CHRDL2: variants seen among roughly 807,000 people sequenced by gnomAD.
CHRDL2 encodes chordin-like protein 2.
CHRDL2 carries 41 observed loss-of-function variants against 54.3 expected under a neutral mutation model. The observed-to-expected ratio is 0.76, with a 90% confidence interval of 0.59 to 0.98. CHRDL2 has a LOEUF of 0.98. CHRDL2 is among the 50% of genes least tolerant of loss of function. The pLI, the probability that CHRDL2 is intolerant of heterozygous loss-of-function variation, is 0.00. For missense variants in CHRDL2, 518 were observed against 562.4 expected, an observed-to-expected ratio of 0.92 and a Z score of 0.80; for synonymous variants, 220 against 224.3, an observed-to-expected ratio of 0.98 and a Z score of 0.17.
At position 74,713,384 on chromosome 11, in the gene CHRDL2, AC is replaced by A. The variant is rs747596819; in HGVS notation, c.289+1del. 4 of 1,612,940 alleles carry A rather than the reference AC, an allele frequency of 2.5e-6. No homozygotes were observed. Among genetic ancestry groups the A allele is most frequent in the Admixed American group, 1.7e-5 (1 of 59,972 alleles). On this transcript the variant is annotated splice_donor_variant, in intron 3 of 10. Coordinates refer to ENST00000376332, the MANE Select transcript of CHRDL2 (RefSeq NM_001278473.3). LOFTEE classifies it high-confidence loss of function. ...ACGATGGGGAGGAGCATGGCTACTT[AC>A]CCACACACTTGGGACAGCATTGCTG... is the stretch of plus-strand genomic sequence containing the variant.
At chr11:74,709,193 G>A (rs2034109298) in intron 4 of CHRDL2, among the ~76,000 whole-genome samples, 1 of 152,184 alleles carries the variant, frequency 6.6e-6, no homozygotes, top group African/African-American at 2.4e-5. Flanking sequence ...CAAGTACCCA[G>A]GGAGAATGAA....
chr11:74,729,600 C>G (rs758001268), intron 1 of CHRDL2, among the ~76,000 whole-genome samples: 4 of 152,148 alleles, frequency 2.6e-5, no homozygotes, highest in African/African-American at 9.7e-5. Flanking sequence ...GAAACAAGAC[C>G]GTAACAAAGT....
intron 1 of CHRDL2, among the ~76,000 whole-genome samples, chr11:74,719,758 A>G (rs946686500): frequency 1.6e-4 from 24 of 152,164 alleles, no homozygotes; most frequent in African/African-American, 4.8e-4. Flanking sequence ...CGTTTGTTCC[A>G]TGGGTTGGCT....
At chr11:74,730,661 C>A (rs2135283326) in intron 1 of CHRDL2, 146 bp downstream of exon 1, 1 of 747,608 alleles carries the variant, frequency 1.3e-6, no homozygotes, top group Non-Finnish European at 2.3e-6. Flanking sequence ...CCGGCCCATA[C>A]TGGTCCTCAC....
At chr11:74,720,976 C>A (rs1275175233) in intron 1 of CHRDL2, among the ~76,000 whole-genome samples, 1 of 152,226 alleles carries the variant, frequency 6.6e-6, no homozygotes, top group Non-Finnish European at 1.5e-5. Context: ...GTCTGTGCTT[C>A]GAGGGTCGCT....
At chr11:74,707,861 C>G (rs946026513) in intron 5 of CHRDL2, among the ~76,000 whole-genome samples, 1 of 152,140 alleles carries the variant, frequency 6.6e-6, no homozygotes, top group African/African-American at 2.4e-5. Flanking sequence ...GCATGCACAG[C>G]AGGGAAGTCC....
intron 1 of CHRDL2, among the ~76,000 whole-genome samples, chr11:74,726,389 G>A (rs922698129): frequency 6.6e-6 from 1 of 152,030 alleles, no homozygotes; most frequent in Non-Finnish European, 1.5e-5. Flanking sequence ...ATGCTTACAG[G>A]GACACCCATC....
chr11:74,713,237 G>A (rs550358455), intron 3 of CHRDL2, 149 bp downstream of exon 3: 33 of 626,464 alleles, frequency 5.3e-5, no homozygotes, highest in South Asian at 5.2e-4. Context: ...GGGGATCTGG[G>A]ATATTTCCTC....
intron 1 of CHRDL2, among the ~76,000 whole-genome samples, chr11:74,725,097 G>A (rs1039377648): frequency 1.3e-5 from 2 of 152,004 alleles, no homozygotes; most frequent in African/African-American, 2.4e-5. Context: ...AGGTTCAAGC[G>A]ATTCTCCTGC....
intron 9 of CHRDL2, among the ~76,000 whole-genome samples, chr11:74,700,355 T>C (rs1452596593): frequency 6.6e-6 from 1 of 152,146 alleles, no homozygotes; most frequent in Non-Finnish European, 1.5e-5. Context: ...TTTGCCTCTT[T>C]ATTTATTTAC....
chr11:74,729,459 C>T (rs1461883365), intron 1 of CHRDL2, among the ~76,000 whole-genome samples: 1 of 152,158 alleles, frequency 6.6e-6, no homozygotes, highest in East Asian at 1.9e-4. Context: ...AGTCACACAG[C>T]TCTAAGGGGC....
intron 3 of CHRDL2, among the ~76,000 whole-genome samples, chr11:74,711,687 C>T (rs1187272030): frequency 6.6e-6 from 1 of 152,130 alleles, no homozygotes; most frequent in East Asian, 1.9e-4. Flanking sequence ...AACTCAGACT[C>T]AAAAATTACG....
intron 9 of CHRDL2, among the ~76,000 whole-genome samples, chr11:74,700,152 T>C (rs930299967): frequency 1.1e-4 from 17 of 152,330 alleles, no homozygotes; most frequent in African/African-American, 3.6e-4. Flanking sequence ...TCATTTGACC[T>C]CTCAGACTCA....
chr11:74,711,703 G>A (rs1220970064), intron 3 of CHRDL2, among the ~76,000 whole-genome samples: 1 of 152,128 alleles, frequency 6.6e-6, no homozygotes, highest in Non-Finnish European at 1.5e-5. Context: ...TTACGGGTGA[G>A]GTGGCTCACG....
chr11:74,700,092 C>T (rs1247808215), intron 9 of CHRDL2, among the ~76,000 whole-genome samples: 3 of 152,236 alleles, frequency 2.0e-5, no homozygotes, highest in African/African-American at 7.2e-5. Flanking sequence ...ACAGTCAGAG[C>T]TGGATTTGAA....
intron 9 of CHRDL2, chr11:74,697,576 G>A: frequency 1.9e-6 from 1 of 519,282 alleles, no homozygotes; most frequent in South Asian, 1.8e-5. Context: ...TCCTAGCTCT[G>A]GTCATTAGAA....
intron 2 of CHRDL2, among the ~76,000 whole-genome samples, chr11:74,715,721 G>A (rs911819946): frequency 6.6e-6 from 1 of 151,944 alleles, no homozygotes; most frequent in South Asian, 2.1e-4. Flanking sequence ...GCTCACACCT[G>A]TAATCCCAGC....
chr11:74,716,538 T>TG (rs1212141170), intron 2 of CHRDL2, among the ~76,000 whole-genome samples: 8 of 53,522 alleles, frequency 1.5e-4, no homozygotes, highest in African/African-American at 5.9e-4. Flanking sequence ...TGACTCCATC[T>TG]CCAAAAAAAA....
intron 5 of CHRDL2, among the ~76,000 whole-genome samples, chr11:74,707,258 A>G (rs1286060653): frequency 6.6e-6 from 1 of 152,208 alleles, no homozygotes. Flanking sequence ...GAAGGAATTT[A>G]TGGAGTTAGC....
Sources: allele counts gnomAD v4.1 joint callset (sites outside exome capture counted in the v4.1 genomes callset), GRCh38; gene constraint gnomAD v4.1.1; transcripts MANE v1.5; gene names NCBI Gene and HGNC (gene_info 2026-07-23, HGNC 2026-07-21).